MKLN1: variants seen among roughly 807,000 people sequenced by gnomAD.
MKLN1 encodes the protein muskelin.
In MKLN1, 18 loss-of-function variants were observed where a neutral mutation model predicts 99.0. That is an observed-to-expected ratio of 0.18 (90% CI 0.13 to 0.27). The LOEUF (loss-of-function observed/expected upper bound fraction) is 0.27. Among genes scored for constraint, MKLN1 ranks in the 10% least tolerant of loss-of-function variants. The pLI, the probability that MKLN1 is intolerant of heterozygous loss-of-function variation, is 1.00. For missense variants in MKLN1, 621 were observed against 875.9 expected (o/e 0.71, Z 3.67); for synonymous variants, 288 against 293.2 (o/e 0.98, Z 0.18).
At chr7:131,326,564 C>T (rs1222343647), upstream of MKLN1, among the ~76,000 whole-genome samples, 2 of 152,102 alleles carry the variant, frequency 1.3e-5, no homozygotes, top group African/African-American at 2.4e-5. Flanking sequence ...ACGCTGGTTT[C>T]GAACTCCTGA....
chr7:131,154,328 C>CAAA (rs1340217046), intron 2 of MKLN1, among the ~76,000 whole-genome samples: 2 of 151,778 alleles, frequency 1.3e-5, no homozygotes, highest in Non-Finnish European at 2.9e-5. Flanking sequence ...ATGATCCACC[C>CAAA]GCCTTGGCCT....
chr7:131,171,275 A>G (rs1464688310), intron 2 of MKLN1, among the ~76,000 whole-genome samples: 2 of 152,152 alleles, frequency 1.3e-5, no homozygotes, highest in Admixed American at 1.3e-4. Flanking sequence ...CCACTTACCT[A>G]AAAATGAAGC....
intron 1 of MKLN1, among the ~76,000 whole-genome samples, chr7:131,367,128 C>T (rs1408425640): frequency 6.6e-6 from 1 of 152,098 alleles, no homozygotes; most frequent in Non-Finnish European, 1.5e-5. Context: ...AATTTAATTA[C>T]TCATAGTCTT....
intron 2 of MKLN1, among the ~76,000 whole-genome samples, chr7:131,378,908 G>A (rs1447807313): frequency 6.7e-6 from 1 of 150,072 alleles, no homozygotes; most frequent in Non-Finnish European, 1.5e-5. Flanking sequence ...TTGGAAGCTG[G>A]AACCTTAAAG....
At chr7:131,132,890 C>A (rs1341028846) in intron 1 of MKLN1, among the ~76,000 whole-genome samples, 1 of 128,238 alleles carries the variant, frequency 7.8e-6, no homozygotes, top group Non-Finnish European at 1.6e-5. Context: ...CAAGCCACTG[C>A]ACTCCAGCCT....
At chr7:131,376,323 A>C (rs1793662598) in intron 2 of MKLN1, among the ~76,000 whole-genome samples, 1 of 145,422 alleles carries the variant, frequency 6.9e-6, no homozygotes, top group South Asian at 2.3e-4. Context: ...TGGGCAACAC[A>C]GAAACCTTTG....
intron 2 of MKLN1, among the ~76,000 whole-genome samples, chr7:131,180,365 C>T (rs936387620): frequency 6.6e-6 from 1 of 152,082 alleles, no homozygotes; most frequent in Non-Finnish European, 1.5e-5. Flanking sequence ...GCTGTTTTTA[C>T]CATGAGGAAC....
chr7:131,403,757 A>G (rs2116278396), intron 6 of MKLN1, among the ~76,000 whole-genome samples: 1 of 152,294 alleles, frequency 6.6e-6, no homozygotes, highest in South Asian at 2.1e-4. Flanking sequence ...AACACACACA[A>G]CATGGTGCCT....
chr7:131,464,537 A>G (rs1796606300), intron 14 of MKLN1, 129 bp downstream of exon 14: 7 of 546,836 alleles, frequency 1.3e-5, no homozygotes, highest in Non-Finnish European at 2.3e-5. Context: ...ATTCAATAGA[A>G]TAACAAACAC....
rs759606489 is a variant in MKLN1, at chr7:131,328,029, C to T, written c.98+32C>T. ...GCCGGGCCTTGAGCTCGTGCTGCCC[C>T]ACCCTTCCGCGTCAGCACGGTTGGG... On this transcript the variant is annotated intron_variant, in intron 1 of 17. Coordinates refer to ENST00000352689, the MANE Select transcript of MKLN1 (RefSeq NM_013255.5). 3 of 1,609,974 alleles carry T rather than the reference C, an allele frequency of 1.9e-6. No individual in the cohort carries two copies. The African/African-American group carries it at 4.0e-5, about 22-fold the overall frequency.
intron 3 of MKLN1, among the ~76,000 whole-genome samples, chr7:131,298,036 CA>C (rs1319263428): frequency 6.6e-6 from 1 of 151,532 alleles, no homozygotes; most frequent in Non-Finnish European, 1.5e-5. Flanking sequence ...GTAATCTCAC[CA>C]CTTTGGGAGG....
intron 9 of MKLN1, among the ~76,000 whole-genome samples, chr7:131,436,802 G>C (rs1399130978): frequency 2.0e-5 from 3 of 151,862 alleles, no homozygotes; most frequent in Non-Finnish European, 4.4e-5. Context: ...TGTTTTATTG[G>C]GTCCTGTGAT....
At chr7:131,445,274 G>T (rs951645908) in intron 11 of MKLN1, among the ~76,000 whole-genome samples, 11 of 151,424 alleles carry the variant, frequency 7.3e-5, no homozygotes, top group Non-Finnish European at 1.3e-4. Flanking sequence ...CATATACATT[G>T]TTCTAAAGTC....
intron 3 of MKLN1, among the ~76,000 whole-genome samples, chr7:131,205,008 G>T (rs943406922): frequency 2.0e-4 from 31 of 151,844 alleles, no homozygotes; most frequent in African/African-American, 6.5e-4. Flanking sequence ...TGAGGCAGGA[G>T]AATTGCTTGA....
At chr7:131,216,911 T>C (rs1474182614) in intron 3 of MKLN1, among the ~76,000 whole-genome samples, 1 of 152,194 alleles carries the variant, frequency 6.6e-6, no homozygotes, top group African/African-American at 2.4e-5. Flanking sequence ...CATACCTGGC[T>C]TTATTCAACA....
At position 131,490,035 on chromosome 7, in the gene MKLN1, T is replaced by C. The variant is rs1797386014; in HGVS notation, c.*2307T>C. The C allele has an allele frequency of 6.6e-6, 1 of 152,598 alleles. No individual in the cohort carries two copies. Among genetic ancestry groups the C allele is most frequent in the Non-Finnish European group, 1.5e-5 (1 of 68,022 alleles). The allele number at this position is 152,598 out of a possible 1,614,324, so 9.5% of individuals were successfully genotyped here. On this transcript the variant is annotated 3_prime_UTR_variant, in exon 18 of 18. Coordinates refer to ENST00000352689, the MANE Select transcript of MKLN1 (RefSeq NM_013255.5). ...TAATCGGAGCACTGCTGGAAATGAT[T>C]GCAGAGAATGTAGTGCTTCATATAT... is the stretch of plus-strand genomic sequence containing the variant.
At chr7:131,278,425 G>T (rs1798005351) in intron 3 of MKLN1, among the ~76,000 whole-genome samples, 1 of 151,880 alleles carries the variant, frequency 6.6e-6, no homozygotes, top group Non-Finnish European at 1.5e-5. Context: ...TTTAAGGAGG[G>T]GCCATATTCT....
At chr7:131,431,326 A>G (rs901639113) in intron 9 of MKLN1, among the ~76,000 whole-genome samples, 5 of 152,196 alleles carry the variant, frequency 3.3e-5, no homozygotes, top group African/African-American at 1.2e-4. Context: ...CCTTTGTTTC[A>G]GTTATCGTTT....
At chr7:131,154,100 G>A (rs1055750105) in intron 2 of MKLN1, among the ~76,000 whole-genome samples, 6 of 152,082 alleles carry the variant, frequency 3.9e-5, no homozygotes, top group African/African-American at 1.4e-4. Flanking sequence ...ATACATACAC[G>A]CATATATGCA....
Sources: gnomAD v4.1 joint callset for allele counts (sites outside exome capture counted in the v4.1 genomes callset) on GRCh38, gnomAD v4.1.1 for gene constraint, MANE v1.5 for transcripts, NCBI Gene and HGNC (gene_info 2026-07-23, HGNC 2026-07-21) for gene names.